The following DOCK6 variants were observed in gnomAD, a reference collection of about 807,000 sequenced individuals.
The protein encoded by DOCK6 is dedicator of cytokinesis 6.
DOCK6 carries 167 observed loss-of-function variants against 230.3 expected under a neutral mutation model. The observed-to-expected ratio is 0.73, with a 90% CI of 0.64 to 0.82. The LOEUF is 0.82. Among genes scored for constraint, DOCK6 ranks in the 40% least tolerant of loss-of-function variants. The probability of loss-of-function intolerance (pLI) is 0.00; values close to 1 mark genes in which losing one functional copy is unlikely to be tolerated. For missense variants in DOCK6, 2,598 were observed against 2,825.8 expected (o/e 0.92, Z 1.83); for synonymous variants, 1,148 against 1,185.0 (o/e 0.97, Z 0.64).
intron 24 of DOCK6, among the ~76,000 whole-genome samples, chr19:11,223,341 C>T (rs1055044959): frequency 2.6e-5 from 4 of 152,200 alleles, no homozygotes; most frequent in African/African-American, 4.8e-5. Flanking sequence ...GATCCTCTCG[C>T]TCTCTCTGTC....
intron 6 of DOCK6, among the ~76,000 whole-genome samples, chr19:11,249,463 A>G (rs541566771): frequency 1.3e-5 from 2 of 151,814 alleles, no homozygotes; most frequent in Non-Finnish European, 2.9e-5. Context: ...GTGAGCTGAG[A>G]TGGCGCCACT....
chr19:11,209,070 A>G lies in DOCK6; in HGVS notation c.4785T>C (p.Leu1595=). The change falls in exon 38 of 48, where the codon CTT becomes CTC. Residue 1595 remains leucine (L), a synonymous_variant. Coordinates refer to ENST00000294618, the MANE Select transcript of DOCK6 (RefSeq NM_020812.4). ...CCATGTTCTGCAACCAGGTCAGCCG[A>G]AGGTCCGGTGAGCCCTGGTAGCCCC... ...IARGYQGSPD[L]RLTWLQNMAG... 6.2e-7 allele frequency: 1 copy of G among 1,612,286 alleles called. No homozygotes were observed. Among genetic ancestry groups the G allele is most frequent in the Non-Finnish European group, 8.5e-7 (1 of 1,179,436 alleles).
intron 30 of DOCK6, 143 bp from the exon 31 acceptor site, chr19:11,216,070 T>C (rs2079481711): frequency 1.8e-6 from 2 of 1,106,090 alleles, no homozygotes; most frequent in Non-Finnish European, 1.2e-6. Context: ...TCTAAATTCT[T>C]AGCACTTACC....
intron 13 of DOCK6, among the ~76,000 whole-genome samples, chr19:11,242,697 G>T (rs2079966244): frequency 6.6e-6 from 1 of 151,636 alleles, no homozygotes; most frequent in Non-Finnish European, 1.5e-5. Context: ...TGGCCCCCAG[G>T]CTGGTCTTGA....
chr19:11,251,008 T>C lies in DOCK6; in HGVS notation c.586A>G (p.Asn196Asp). The change falls in exon 6 of 48, where the codon AAC becomes GAC. Residue 196 changes from asparagine to aspartate, a missense_variant. Transcript: ENST00000294618. The stretch of plus-strand genomic sequence containing the variant: ...GGCAGCAATGAGTCAGCTGCCAGGT[T>C]CCTCAGGTCGAAGATGCTAGAGGCA... Reference protein sequence around the residue: ...SGASSIFDLRNLAADSLLPSL... With the variant: ...SGASSIFDLRDLAADSLLPSL... 2 of 1,613,848 alleles carry C rather than the reference T, an allele frequency of 1.2e-6. No individual in the cohort carries two copies. Among genetic ancestry groups the C allele is most frequent in the Non-Finnish European group, 1.7e-6 (2 of 1,179,860 alleles).
chr19:11,231,654 T>C (rs963169605), intron 22 of DOCK6, among the ~76,000 whole-genome samples: 1 of 152,158 alleles, frequency 6.6e-6, no homozygotes, highest in African/African-American at 2.4e-5. Flanking sequence ...ATGAAGAAAC[T>C]GAGGCTCAGG....
intron 6 of DOCK6, among the ~76,000 whole-genome samples, chr19:11,250,408 G>A (rs1412263400): frequency 1.3e-5 from 2 of 151,680 alleles, no homozygotes; most frequent in Non-Finnish European, 2.9e-5. Context: ...TTCACCTCCC[G>A]GGTTCTGGCG....
In DOCK6 at chr19:11,217,068, G is replaced by A; in HGVS notation, c.3740C>T (p.Ala1247Val). 6.2e-7 allele frequency: 1 copy of A among 1,613,312 alleles called. No individual in the cohort carries two copies. The change falls in exon 30 of 48, where the codon GCT becomes GTT. Residue 1247 changes from alanine (A) to valine (V), a missense_variant. Physicochemically the swap from Ala to Val is moderately conservative, Grantham distance 64 (BLOSUM62 0). Transcript: ENST00000294618. Reference protein sequence around the residue: ...TASRAGCALSAESSRTLLACV... With the variant: ...TASRAGCALSVESSRTLLACV... ...CGCCAGCAAGGTCCGGCTTGACTCAGCAGAGAGGGCACAGCCTGCGCGAGA... is the reference window on the plus strand; with the variant it reads ...CGCCAGCAAGGTCCGGCTTGACTCAACAGAGAGGGCACAGCCTGCGCGAGA...
chr19:11,224,190 T>TTGTC (rs569045056), intron 24 of DOCK6, among the ~76,000 whole-genome samples: 1 of 146,326 alleles, frequency 6.8e-6, no homozygotes, highest in Non-Finnish European at 1.5e-5. Flanking sequence ...CTGTAATTAC[T>TTGTC]TTTCTTTCTT....
In DOCK6 at chr19:11,251,386, A is replaced by C. The variant is rs2080115589; in HGVS notation, c.508-300T>G. The C allele has an allele frequency of 9.5e-6, 3 of 316,188 alleles. No individual in the cohort carries two copies. The South Asian group carries it at 1.5e-4, about 16-fold the overall frequency. 19.6% of individuals were successfully genotyped at this position (316,188 alleles called of 1,614,324 possible). On this transcript the variant is annotated intron_variant, in intron 5 of 47. Coordinates refer to ENST00000294618, the MANE Select transcript of DOCK6 (RefSeq NM_020812.4). ...CTACCCACCCTAGGGACTGGCTCCA[A>C]GGGCCTGGGCTGGGCCAATGAAAGC... is the stretch of plus-strand genomic sequence containing the variant.
chr19:11,206,556 G>A (rs1332023611), intron 39 of DOCK6, among the ~76,000 whole-genome samples: 1 of 150,894 alleles, frequency 6.6e-6, no homozygotes, highest in East Asian at 1.9e-4. Flanking sequence ...GTAAGACCCT[G>A]TCTCAGAAAA....
At chr19:11,259,561 T>C (rs8112227) in intron 1 of DOCK6, among the ~76,000 whole-genome samples, 28,083 of 128,206 alleles carry the variant, frequency 0.22, 3,369 homozygotes, top group East Asian at 0.41. Context: ...CTTTTCTTTT[T>C]TTTTTTTTTT....
In DOCK6 at chr19:11,222,600, A is replaced by G; in HGVS notation, c.3240+135T>C. 9.5e-7 allele frequency: 1 copy of G among 1,048,070 alleles called. No individual in the cohort carries two copies. Among genetic ancestry groups the G allele is most frequent in the Non-Finnish European group, 1.3e-6 (1 of 741,456 alleles). The allele number at this position is 1,048,070 out of a possible 1,614,324, so 64.9% of individuals were successfully genotyped here. Reference sequence around the variant, plus strand: ...GAGAGGTGAAGGGTCAGAAGTCAAAAGTCAAACATAAGGGATTAGTTCACC... The same window carrying G: ...GAGAGGTGAAGGGTCAGAAGTCAAAGGTCAAACATAAGGGATTAGTTCACC... On this transcript the variant is annotated intron_variant, in intron 26 of 47. Coordinates refer to ENST00000294618, the MANE Select transcript of DOCK6 (RefSeq NM_020812.4). This position sits in a 1 kb window ranked among gnomAD's most constrained non-coding sequence, Gnocchi z 4.0.
rs1438895300 is a variant in DOCK6, at chr19:11,201,263, T to C, written c.5689-211A>G. Among the ~76,000 whole-genome samples the C allele has an allele frequency of 1.3e-5, 2 of 151,914 alleles. No individual in the cohort carries two copies. The highest frequency in any genetic ancestry group is 2.4e-5 in the African/African-American group (1 of 41,364). On this transcript the variant is annotated intron_variant, in intron 44 of 47. Transcript: ENST00000294618. The surrounding 1 kb of genome is among the most constrained non-coding windows in gnomAD (Gnocchi z 4.3). ...TGCCCTGGGGTCCAGGGGCTTTACC[T>C]CTGGGGTCTCCAGACTTCCTTGGGT... is the stretch of plus-strand genomic sequence containing the variant.
In DOCK6 at chr19:11,245,801, G is replaced by C; in HGVS notation, c.873+11C>G. On this transcript the variant is annotated intron_variant, in intron 8 of 47. Coordinates refer to ENST00000294618, the MANE Select transcript of DOCK6 (RefSeq NM_020812.4). ...AAGGAAGGGGAGGAAAGAGAAAAAA[G>C]GGCCTCCTACCTTCTTTTTCTCCCG... The C allele has an allele frequency of 1.3e-6, 2 of 1,582,956 alleles. No homozygotes were observed. Among genetic ancestry groups the C allele is most frequent in the Admixed American group, 1.8e-5 (1 of 54,696 alleles).
Position 11,217,528 on chromosome 19 carries a change from G to A in DOCK6, c.3551-137C>T, listed in dbSNP as rs369538273. On this transcript the variant is annotated intron_variant, in intron 28 of 47. Transcript: ENST00000294618. ...TACCAGCACTTTGGGAGGCAGAGGC[G>A]GGTGGATCACCTGAGGTCAGGAGTT... is the stretch of plus-strand genomic sequence containing the variant. 188 of 1,156,452 alleles carry A rather than the reference G, an allele frequency of 1.6e-4. 2 individuals are homozygous for A. In the South Asian group the frequency reaches 1.9e-3, roughly 12 times the overall value. 71.6% of individuals were successfully genotyped at this position (1,156,452 alleles called of 1,614,324 possible). A position where few individuals can be genotyped will look rare whatever the true frequency, so the allele number is the denominator to read the frequency against.
intron 21 of DOCK6, among the ~76,000 whole-genome samples, 160 bp from the exon 22 acceptor site, chr19:11,233,526 G>T (rs893066704): frequency 5.3e-5 from 8 of 152,000 alleles, no homozygotes; most frequent in Non-Finnish European, 1.2e-4. Context: ...CACAGAGATT[G>T]GGGGGGCACT....
chr19:11,227,390 T>TGTC lies in DOCK6; in HGVS notation c.2899_2901dup (p.Asp967dup). 4 of 1,613,814 alleles carry TGTC rather than the reference T, an allele frequency of 2.5e-6. No individual in the cohort carries two copies. Among genetic ancestry groups the TGTC allele is most frequent in the Non-Finnish European group, 3.4e-6 (4 of 1,179,888 alleles). On this transcript the variant is annotated inframe_insertion, in exon 24 of 48. Transcript: ENST00000294618. ...CCCACAGAGCCCACCAAGGCAGTGA[T>TGTC]GTCGTCCAGGAAGCGTCCGGGGAAG...
chr19:11,237,285 G>A, intron 18 of DOCK6, 171 bp downstream of exon 18: 3 of 684,228 alleles, frequency 4.4e-6, no homozygotes, highest in Non-Finnish European at 7.5e-6. Flanking sequence ...CTTTGGGGAG[G>A]ACATGTAGGA....
Sources: gnomAD v4.1 joint callset for allele counts (sites outside exome capture counted in the v4.1 genomes callset) on GRCh38, gnomAD v4.1.1 for gene constraint, Gnocchi (gnomAD v3.1) non-coding constraint, MANE v1.5 for transcripts, NCBI Gene and HGNC (gene_info 2026-07-23, HGNC 2026-07-21) for gene names.